ELAVL4: variants seen among roughly 807,000 people sequenced by gnomAD.
ELAVL4 encodes the protein ELAV like RNA binding protein 4.
A neutral mutation model predicts 35.6 loss-of-function variants in ELAVL4; 1 was observed. The observed-to-expected ratio is 0.03, with a 90% CI of 0.01 to 0.13. The LOEUF is 0.13. ELAVL4 is among the 10% of genes least tolerant of loss of function. The pLI is 1.00. For synonymous variants in ELAVL4, 156 were observed against 171.0 expected (o/e 0.91, Z 0.69); for missense variants, 267 against 464.9 (o/e 0.57, Z 3.91).
At chr1:50,150,508 T>C (rs1330009317) in intron 2 of ELAVL4, among the ~76,000 whole-genome samples, 1 of 152,206 alleles carries the variant, frequency 6.6e-6, no homozygotes, top group African/African-American at 2.4e-5. Context: ...CCTGAGCGTG[T>C]CTCTCTCAGT....
In ELAVL4 at chr1:50,186,877, TAA is replaced by T. The variant is rs564283829; in HGVS notation, c.355-6886_355-6885del. The stretch of plus-strand genomic sequence containing the variant: ...TATCAGGTGGCAGGTAGGGGAAGTG[TAA>T]AGAGTGGTGCTACATAAGCAGATGC... On this transcript the variant is annotated intron_variant, in intron 3 of 6. Coordinates refer to ENST00000371824, the MANE Select transcript of ELAVL4 (RefSeq NM_001144774.3). 6.6e-5 allele frequency among the ~76,000 whole-genome samples: 10 copies of T among 152,238 alleles called. No individual in the cohort carries two copies. The South Asian group carries it at 2.1e-3, about 32-fold the overall frequency.
chr1:50,054,799 C>A (rs1011749803), intron 1 of ELAVL4, among the ~76,000 whole-genome samples: 3 of 152,314 alleles, frequency 2.0e-5, no homozygotes, highest in Admixed American at 1.3e-4. Context: ...TTAGGGCTGA[C>A]CTTCATAGCT....
intron 2 of ELAVL4, among the ~76,000 whole-genome samples, chr1:50,150,698 A>G (rs954810851): frequency 2.0e-5 from 3 of 152,182 alleles, no homozygotes; most frequent in Non-Finnish European, 4.4e-5. Context: ...CACTATGGGA[A>G]TTTGGTTGAA....
intron 1 of ELAVL4, among the ~76,000 whole-genome samples, chr1:50,123,049 C>T (rs1337213043): frequency 6.6e-6 from 1 of 152,052 alleles, no homozygotes; most frequent in Non-Finnish European, 1.5e-5. Flanking sequence ...GATTCAGACT[C>T]CCACCACCTG....
At chr1:50,166,462 A>G (rs1316305796) in intron 2 of ELAVL4, among the ~76,000 whole-genome samples, 1 of 152,254 alleles carries the variant, frequency 6.6e-6, no homozygotes, top group African/African-American at 2.4e-5. Context: ...TCTTAGTACA[A>G]GTGTATACAT....
At chr1:50,050,741 A>G (rs562706374) in intron 1 of ELAVL4, among the ~76,000 whole-genome samples, 1 of 152,300 alleles carries the variant, frequency 6.6e-6, no homozygotes, top group African/African-American at 2.4e-5. Flanking sequence ...TTATTTGAGC[A>G]GTACTGCTCA....
At chr1:50,180,821 A>G (rs1253371552) in intron 3 of ELAVL4, 2 of 152,246 alleles carry the variant, frequency 1.3e-5, no homozygotes, top group Admixed American at 1.3e-4. Context: ...CTGCCAGAAG[A>G]GGAGCTGCTT....
intron 2 of ELAVL4, among the ~76,000 whole-genome samples, chr1:50,158,973 GT>G (rs1467084785): frequency 6.6e-6 from 1 of 150,638 alleles, no homozygotes; most frequent in Non-Finnish European, 1.5e-5. Flanking sequence ...GGAGGCAGAG[GT>G]TGCAGCAGTG....
intron 2 of ELAVL4, among the ~76,000 whole-genome samples, chr1:50,166,780 A>G (rs531271176): frequency 6.6e-6 from 1 of 152,264 alleles, no homozygotes; most frequent in South Asian, 2.1e-4. Context: ...TAGTAGACTA[A>G]TTTCATCTTG....
At chr1:50,191,037 T>TCCCTGGCATAACACACACATCTTGTGG (rs1264002505) in intron 3 of ELAVL4, among the ~76,000 whole-genome samples, 5 of 152,204 alleles carry the variant, frequency 3.3e-5, no homozygotes, top group African/African-American at 1.2e-4. Context: ...CTCATATGTA[T>TCCCTGGCATAACACACACATCTTGTGG]CCCTGGCATA....
At chr1:50,184,548 G>T (rs1003297559) in intron 3 of ELAVL4, among the ~76,000 whole-genome samples, 1 of 152,128 alleles carries the variant, frequency 6.6e-6, no homozygotes, top group Non-Finnish European at 1.5e-5. Flanking sequence ...TTAAAAGATT[G>T]TCTAAAGGTG....
chr1:50,188,326 C>T (rs1682143443), intron 3 of ELAVL4, among the ~76,000 whole-genome samples: 1 of 152,122 alleles, frequency 6.6e-6, no homozygotes, highest in Non-Finnish European at 1.5e-5. Context: ...TACTATGTCT[C>T]CACTTACTAT....
intron 1 of ELAVL4, among the ~76,000 whole-genome samples, chr1:50,048,675 G>C (rs1317108912): frequency 4.6e-5 from 7 of 152,194 alleles, no homozygotes; most frequent in Admixed American, 2.0e-4. Flanking sequence ...GGGCCCCTCT[G>C]TGTGACTTTC....
At chr1:50,056,961 T>TA (rs900732030) in intron 1 of ELAVL4, among the ~76,000 whole-genome samples, 8 of 152,184 alleles carry the variant, frequency 5.3e-5, no homozygotes, top group Middle Eastern at 3.4e-3. Flanking sequence ...CTACTTATTT[T>TA]AAAAAATAGT....
At chr1:50,081,453 A>G (rs1176525479) in intron 1 of ELAVL4, among the ~76,000 whole-genome samples, 2 of 152,224 alleles carry the variant, frequency 1.3e-5, no homozygotes, top group Admixed American at 6.5e-5. Context: ...GGCTCATGCC[A>G]TGCCTAAGAA....
chr1:50,107,284 T>A (rs1334568572), upstream of ELAVL4, among the ~76,000 whole-genome samples: 1 of 152,248 alleles, frequency 6.6e-6, no homozygotes, highest in African/African-American at 2.4e-5. Flanking sequence ...CTGAGTATTG[T>A]TCCACCTTAA....
intron 1 of ELAVL4, among the ~76,000 whole-genome samples, chr1:50,120,559 T>C (rs1668856408): frequency 6.6e-6 from 1 of 152,104 alleles, no homozygotes; most frequent in Non-Finnish European, 1.5e-5. Flanking sequence ...CCTTTCTTAA[T>C]TCTTTTTCAG....
At chr1:50,191,513 C>T (rs1682656123) in intron 3 of ELAVL4, among the ~76,000 whole-genome samples, 1 of 152,074 alleles carries the variant, frequency 6.6e-6, no homozygotes, top group South Asian at 2.1e-4. Context: ...AGGTGTTGAA[C>T]ACTTTATAGG....
chr1:50,193,703 C>T (rs889517778), intron 3 of ELAVL4, 62 bp from the exon 4 acceptor site: 23 of 1,550,214 alleles, frequency 1.5e-5, no homozygotes, highest in African/African-American at 2.8e-5. Context: ...TGGTTGTGGA[C>T]TCAGCATCTA....
Sources: allele counts gnomAD v4.1 joint callset (sites outside exome capture counted in the v4.1 genomes callset), GRCh38; gene constraint gnomAD v4.1.1; transcripts MANE v1.5; gene names NCBI Gene and HGNC (gene_info 2026-07-23, HGNC 2026-07-21).